The following DNAAF9 variants were observed in gnomAD, a reference collection of about 807,000 sequenced individuals.
The protein encoded by DNAAF9 is shulin.
A neutral mutation model predicts 167.0 loss-of-function variants in DNAAF9; 90 were observed. The ratio of observed to expected loss-of-function variants is 0.54; its 90% CI spans 0.45 to 0.64. The LOEUF (loss-of-function observed/expected upper bound fraction) is 0.64, where lower values mean the gene tolerates loss of function less well. DNAAF9 is among the 30% of genes least tolerant of loss of function. The pLI is 0.00. For synonymous variants in DNAAF9, 491 were observed against 508.8 expected (o/e 0.96, Z 0.47); for missense variants, 1,315 against 1,442.2 (o/e 0.91, Z 1.43).
intron 20 of DNAAF9, among the ~76,000 whole-genome samples, chr20:3,307,942 G>C (rs1003994279): frequency 1.4e-5 from 2 of 141,756 alleles, no homozygotes; most frequent in African/African-American, 5.3e-5. Flanking sequence ...GTCTATAAAT[G>C]TGTGTGAAAT....
intron 3 of DNAAF9, among the ~76,000 whole-genome samples, chr20:3,376,841 G>C (rs1288213171): frequency 6.6e-6 from 1 of 152,170 alleles, no homozygotes; most frequent in African/African-American, 2.4e-5. Context: ...GAGGCGGATG[G>C]ATCACGAGGT....
intron 26 of DNAAF9, among the ~76,000 whole-genome samples, chr20:3,288,621 G>T (rs1568580452): frequency 6.6e-6 from 1 of 152,132 alleles, no homozygotes; most frequent in Non-Finnish European, 1.5e-5. Flanking sequence ...ATCCTAAACT[G>T]CCGACTCTCT....
intron 29 of DNAAF9, among the ~76,000 whole-genome samples, chr20:3,273,826 G>A (rs1249921950): frequency 3.3e-5 from 5 of 152,126 alleles, no homozygotes; most frequent in Admixed American, 3.3e-4. Context: ...CCCTGCCCTG[G>A]AGGCAACTGC....
chr20:3,268,111 C>T lies in DNAAF9; in HGVS notation c.2786+2316G>A, dbSNP rs190812303. Among the ~76,000 whole-genome samples, 474 of 151,510 alleles carry T rather than the reference C, an allele frequency of 3.1e-3. 4 individuals carry two copies. The highest frequency in any genetic ancestry group is 0.011 in the African/African-American group (439 of 41,274). ...TGGCATGATCTTGGCTCACTGCAAC[C>T]TCCGCCTCCCAGGTTCAATCAATTC... On this transcript the variant is annotated intron_variant, in intron 30 of 36. Transcript: ENST00000252032.
chr20:3,362,228 C>T, intron 6 of DNAAF9: 3 of 1,408,912 alleles, frequency 2.1e-6, no homozygotes, highest in Non-Finnish European at 3.0e-6. Context: ...CCCCAGCTAA[C>T]TGTGTCATCT....
At chr20:3,284,582 TA>T (rs11337391) in intron 27 of DNAAF9, among the ~76,000 whole-genome samples, 6,716 of 152,198 alleles carry the variant, frequency 0.044, 221 homozygotes, top group African/African-American at 0.094. Flanking sequence ...TTTTCTTTAT[TA>T]AAAATAAAAA....
chr20:3,317,830 C>T (rs185291352), intron 17 of DNAAF9, among the ~76,000 whole-genome samples: 1 of 152,162 alleles, frequency 6.6e-6, no homozygotes, highest in Non-Finnish European at 1.5e-5. Context: ...CTCCTGACCT[C>T]AAGTGATTCG....
Position 3,318,357 on chromosome 20 carries a change from T to C in DNAAF9, c.1400A>G (p.Asn467Ser), listed in dbSNP as rs756648326. Residue 467 changes from asparagine to serine, a missense_variant, in exon 17 of 37, where the codon AAT becomes AGT. Physicochemically the swap from Asn to Ser is conservative, Grantham distance 46 (BLOSUM62 1). Around this residue, in one of 2 missense-constraint regions of DNAAF9, gnomAD observed 981 missense variants for 1,012.5 expected, o/e 0.97. Coordinates refer to ENST00000252032, the MANE Select transcript of DNAAF9 (RefSeq NM_001009984.3). ...GAAAACCACAGATCCTAAACAACCA[T>C]TGCCTCCCAGTAAGTCAGGAATGTC... The part of the protein sequence containing the change: ...VYDIPDLLGG[N>S]GCLGSVVFSE... 40 of 1,606,698 alleles carry C rather than the reference T, an allele frequency of 2.5e-5. No homozygotes were observed. In the Admixed American group the frequency reaches 6.0e-4, roughly 24 times the overall value.
intron 16 of DNAAF9, 109 bp from the exon 17 acceptor site, chr20:3,318,509 C>T: frequency 1.6e-6 from 1 of 624,418 alleles, no homozygotes. Flanking sequence ...CAAAAGAGTA[C>T]TGAAGAGTTT....
At chr20:3,329,893 A>AG (rs763641848) in intron 12 of DNAAF9, among the ~76,000 whole-genome samples, 1 of 152,222 alleles carries the variant, frequency 6.6e-6, no homozygotes, top group South Asian at 2.1e-4. Context: ...AACACTAGGT[A>AG]GACCCTTTCT....
intron 1 of DNAAF9, among the ~76,000 whole-genome samples, chr20:3,401,283 G>A (rs1408236696): frequency 6.6e-6 from 1 of 151,988 alleles, no homozygotes. Context: ...TCAGCTCACT[G>A]TAACCTCTGC....
intron 6 of DNAAF9, among the ~76,000 whole-genome samples, chr20:3,364,877 C>T (rs1227719340): frequency 2.6e-5 from 4 of 151,484 alleles, no homozygotes; most frequent in Admixed American, 2.6e-4. Flanking sequence ...CCCTTTCCCT[C>T]CCTTCCCCTC....
At chr20:3,307,039 A>T (rs1168506106) in intron 20 of DNAAF9, 1 of 985,304 alleles carries the variant, frequency 1.0e-6, no homozygotes, top group Non-Finnish European at 1.2e-6. Flanking sequence ...GTGCCACTTG[A>T]AAGGCCTCCT....
At chr20:3,281,032 A>AT (rs898652722) in intron 28 of DNAAF9, among the ~76,000 whole-genome samples, 2 of 150,230 alleles carry the variant, frequency 1.3e-5, no homozygotes, top group African/African-American at 4.9e-5. Context: ...TATTAAAAAA[A>AT]TTTTTTTTTT....
intron 10 of DNAAF9, among the ~76,000 whole-genome samples, chr20:3,339,566 C>T (rs6139083): frequency 8.5e-4 from 129 of 152,278 alleles, no homozygotes; most frequent in African/African-American, 2.8e-3. Flanking sequence ...TTAGATGTAC[C>T]TTGCAGCTCT....
At chr20:3,260,453 G>A (rs1409215170) in intron 31 of DNAAF9, among the ~76,000 whole-genome samples, 5 of 152,184 alleles carry the variant, frequency 3.3e-5, no homozygotes. Flanking sequence ...TTTTGAGACT[G>A]GGAAGCATGA....
intron 31 of DNAAF9, among the ~76,000 whole-genome samples, 184 bp from the exon 32 acceptor site, chr20:3,260,212 G>A (rs2068358011): frequency 2.6e-5 from 4 of 151,996 alleles, no homozygotes; most frequent in Admixed American, 6.6e-5. Flanking sequence ...GGTGGCGGGC[G>A]CCTGTAGTCC....
chr20:3,352,644 G>A (rs1413860571), intron 7 of DNAAF9, among the ~76,000 whole-genome samples: 1 of 152,092 alleles, frequency 6.6e-6, no homozygotes, highest in Non-Finnish European at 1.5e-5. Flanking sequence ...ATATAGCTGG[G>A]ATGACTACTA....
At chr20:3,323,853 T>A (rs1284638417) in intron 14 of DNAAF9, among the ~76,000 whole-genome samples, 1 of 152,192 alleles carries the variant, frequency 6.6e-6, no homozygotes, top group Non-Finnish European at 1.5e-5. Context: ...AGCTAACATC[T>A]ATGTGCCCAA....
Sources: allele counts gnomAD v4.1 joint callset (sites outside exome capture counted in the v4.1 genomes callset), GRCh38; gene constraint gnomAD v4.1.1; regional missense constraint gnomAD v4.1.1; transcripts MANE v1.5; gene names NCBI Gene and HGNC (gene_info 2026-07-23, HGNC 2026-07-21).